The following KCTD16 variants were observed in gnomAD, a reference collection of about 807,000 sequenced individuals.
KCTD16 encodes the protein BTB/POZ domain-containing protein KCTD16.
KCTD16 carries 13 observed loss-of-function variants against 33.2 expected under a neutral mutation model. That is an observed-to-expected ratio of 0.39 (90% CI 0.25 to 0.62). The LOEUF is 0.62. Ranked by LOEUF, KCTD16 falls within the 20% of genes least tolerant of loss-of-function variation. The probability of loss-of-function intolerance (pLI) is 0.50; values close to 1 mark genes in which losing one functional copy is unlikely to be tolerated. For missense variants in KCTD16, 441 were observed against 525.1 expected (o/e 0.84, Z 1.57); for synonymous variants, 197 against 195.3 (o/e 1.01, Z -0.07).
intron 3 of KCTD16, among the ~76,000 whole-genome samples, chr5:144,395,124 A>G (rs1311439120): frequency 6.6e-6 from 1 of 152,208 alleles, no homozygotes; most frequent in African/African-American, 2.4e-5. Flanking sequence ...ATATTATTTT[A>G]GAAGCCCTCC....
At chr5:144,201,284 T>G (rs1159668843) in intron 2 of KCTD16, among the ~76,000 whole-genome samples, 1 of 152,190 alleles carries the variant, frequency 6.6e-6, no homozygotes, top group Non-Finnish European at 1.5e-5. Context: ...ACTGCGATAC[T>G]GATTATTTTC....
intron 3 of KCTD16, among the ~76,000 whole-genome samples, chr5:144,289,813 TCA>T (rs1755845553): frequency 6.6e-6 from 1 of 151,988 alleles, no homozygotes; most frequent in South Asian, 2.1e-4. Flanking sequence ...AATACTAATC[TCA>T]GTTTCCAATA....
chr5:144,323,282 C>A (rs80231792), intron 3 of KCTD16, among the ~76,000 whole-genome samples: 5,361 of 152,202 alleles, frequency 0.035, 172 homozygotes, highest in Non-Finnish European at 0.048. Flanking sequence ...TTCTATCAGC[C>A]TTTTTGGCTA....
At chr5:144,322,148 C>G (rs1752088034) in intron 3 of KCTD16, among the ~76,000 whole-genome samples, 1 of 151,840 alleles carries the variant, frequency 6.6e-6, no homozygotes, top group Admixed American at 6.6e-5. Context: ...TTATGAGTAG[C>G]CATAAAATCA....
intron 3 of KCTD16, among the ~76,000 whole-genome samples, chr5:144,246,089 T>C (rs2126826125): frequency 6.6e-6 from 1 of 152,254 alleles, no homozygotes; most frequent in African/African-American, 2.4e-5. Flanking sequence ...AATGATGTTA[T>C]GAGTAAGGAT....
At chr5:144,234,027 G>T (rs1305348344) in intron 3 of KCTD16, among the ~76,000 whole-genome samples, 1 of 152,092 alleles carries the variant, frequency 6.6e-6, no homozygotes. Context: ...AGAATGAACC[G>T]CAGGAAGAGA....
intron 3 of KCTD16, among the ~76,000 whole-genome samples, chr5:144,343,322 G>C (rs568525962): frequency 1.3e-5 from 2 of 151,824 alleles, no homozygotes; most frequent in African/African-American, 2.4e-5. Flanking sequence ...TGTATGTGTC[G>C]AGGAATTTAT....
chr5:144,398,883 G>A (rs921315063), intron 3 of KCTD16, among the ~76,000 whole-genome samples: 5 of 151,970 alleles, frequency 3.3e-5, no homozygotes, highest in African/African-American at 1.2e-4. Flanking sequence ...GTTAAATTTT[G>A]GTACTTCCTT....
At chr5:144,220,810 G>A (rs767063897) in intron 3 of KCTD16, among the ~76,000 whole-genome samples, 2 of 151,960 alleles carry the variant, frequency 1.3e-5, no homozygotes, top group Non-Finnish European at 2.9e-5. Context: ...GCGTGGTGGC[G>A]GGCACCTGTA....
At chr5:144,398,626 T>C (rs1299818352) in intron 3 of KCTD16, among the ~76,000 whole-genome samples, 2 of 152,068 alleles carry the variant, frequency 1.3e-5, no homozygotes, top group Admixed American at 1.3e-4. Context: ...TGGCTACATA[T>C]AAAAATGCTT....
intron 3 of KCTD16, among the ~76,000 whole-genome samples, chr5:144,227,700 C>A (rs1026394282): frequency 2.0e-5 from 3 of 152,170 alleles, no homozygotes; most frequent in African/African-American, 7.2e-5. Context: ...ATCAATTAGA[C>A]AACTATCGGA....
intron 3 of KCTD16, among the ~76,000 whole-genome samples, chr5:144,242,828 G>C (rs947277465): frequency 6.6e-6 from 1 of 152,140 alleles, no homozygotes; most frequent in Admixed American, 6.5e-5. Flanking sequence ...TTAAGCCCAA[G>C]GAGAGGCATT....
chr5:144,437,824 C>A (rs1753612983), intron 3 of KCTD16, among the ~76,000 whole-genome samples: 1 of 152,114 alleles, frequency 6.6e-6, no homozygotes, highest in Non-Finnish European at 1.5e-5. Context: ...TTCTGGGATG[C>A]TAGCAATAGG....
intron 3 of KCTD16, among the ~76,000 whole-genome samples, chr5:144,461,733 C>T (rs947882215): frequency 2.6e-5 from 4 of 152,314 alleles, no homozygotes; most frequent in African/African-American, 9.6e-5. Flanking sequence ...TCACCTTTGC[C>T]ACCCTCACAC....
At chr5:144,288,095 G>A (rs1344436870) in intron 3 of KCTD16, among the ~76,000 whole-genome samples, 2 of 152,264 alleles carry the variant, frequency 1.3e-5, no homozygotes, top group South Asian at 2.1e-4. Context: ...TGGCTTCACA[G>A]GTCTGGAGTA....
chr5:144,365,825 G>C (rs1270503266), intron 3 of KCTD16, among the ~76,000 whole-genome samples: 4 of 152,184 alleles, frequency 2.6e-5, no homozygotes, highest in Non-Finnish European at 5.9e-5. Flanking sequence ...TAGCCTATCT[G>C]TGTGTACCAA....
In KCTD16 at chr5:144,478,051, G is replaced by T. The variant is rs912863221; in HGVS notation, c.*3937G>T. The T allele has an allele frequency of 1.3e-5, 2 of 151,978 alleles. No homozygotes were observed. The highest frequency in any genetic ancestry group is 2.9e-5 in the Non-Finnish European group (2 of 67,930). 9.4% of individuals were successfully genotyped at this position (151,978 alleles called of 1,614,324 possible). A position where few individuals can be genotyped will look rare whatever the true frequency, so the allele number is the denominator to read the frequency against. On this transcript the variant is annotated 3_prime_UTR_variant, in exon 4 of 4. Coordinates refer to ENST00000512467, the MANE Select transcript of KCTD16 (RefSeq NM_020768.4). ...ATGCTGGTTTATAGGTTTAGCATGG[G>T]CCATTTCTCTCTTTAATGTCTTGGT...
rs1754983811 is a variant in KCTD16, at chr5:144,260,735, TG to T, written c.832+53190del. ...TAGCATGTCGAAAAAGATGGTTGCC[TG>T]TTTTTTTTGTTGTTGTTGTTGTTTG... On this transcript the variant is annotated intron_variant, in intron 3 of 3. Transcript: ENST00000512467. Among the ~76,000 whole-genome samples the T allele has an allele frequency of 2.0e-5, 3 of 151,408 alleles. No individual in the cohort carries two copies. The East Asian group carries it at 5.8e-4, about 29-fold the overall frequency.
chr5:144,382,816 G>A (rs1349453174), intron 3 of KCTD16, among the ~76,000 whole-genome samples: 1 of 152,246 alleles, frequency 6.6e-6, no homozygotes, highest in East Asian at 1.9e-4. Context: ...TTATTTGGAG[G>A]TGCATTGAGT....
Sources: gnomAD v4.1 joint callset for allele counts (sites outside exome capture counted in the v4.1 genomes callset) on GRCh38, gnomAD v4.1.1 for gene constraint, MANE v1.5 for transcripts, NCBI Gene and HGNC (gene_info 2026-07-23, HGNC 2026-07-21) for gene names.